The following PRC1 variants were observed in gnomAD, a reference collection of about 807,000 sequenced individuals.
PRC1 encodes the protein protein regulator of cytokinesis 1, also known as anaphase spindle elongation 1 homolog.
A neutral mutation model predicts 91.2 loss-of-function variants in PRC1; 54 were observed. The ratio of observed to expected loss-of-function variants is 0.59; its 90% CI spans 0.48 to 0.74. The LOEUF (loss-of-function observed/expected upper bound fraction) is 0.74, where lower values mean the gene tolerates loss of function less well. Ranked by LOEUF, PRC1 falls within the 30% of genes least tolerant of loss-of-function variation. PRC1 has a pLI of 0.00. For missense variants in PRC1, 727 were observed against 746.2 expected (o/e 0.97, Z 0.30); for synonymous variants, 275 against 263.6 (o/e 1.04, Z -0.42).
Position 90,981,037 on chromosome 15 carries a change from C to T in PRC1, c.673-4G>A, listed in dbSNP as rs368282015. The stretch of plus-strand genomic sequence containing the variant: ...TTTGTGATTTCTGCATTTCCAGCTA[C>T]AGCATAGAAAGCCAGTGTCACTCAC... On this transcript the variant is annotated splice_region_variant and splice_polypyrimidine_tract_variant and intron_variant, in intron 5 of 14. Coordinates refer to ENST00000394249, the MANE Select transcript of PRC1 (RefSeq NM_003981.4). The T allele has an allele frequency of 5.6e-6, 9 of 1,614,054 alleles. No homozygotes were observed. Among genetic ancestry groups the T allele is most frequent in the African/African-American group, 2.7e-5 (2 of 75,044 alleles).
intron 1 of PRC1, among the ~76,000 whole-genome samples, chr15:90,989,551 G>A (rs2039833624): frequency 6.6e-6 from 1 of 150,586 alleles, no homozygotes; most frequent in Non-Finnish European, 1.5e-5. Context: ...CGGCCCCTCA[G>A]TTTAACAGAG....
In PRC1 at chr15:90,974,777, G is replaced by A; in HGVS notation, c.1204-46C>T. 1 of 1,604,162 alleles carries A rather than the reference G, an allele frequency of 6.2e-7. No homozygotes were observed. The highest frequency in any genetic ancestry group is 8.5e-7 in the Non-Finnish European group (1 of 1,171,656). On this transcript the variant is annotated intron_variant, in intron 9 of 14. Coordinates refer to ENST00000394249, the MANE Select transcript of PRC1 (RefSeq NM_003981.4). The surrounding 1 kb of genome is among the most constrained non-coding windows in gnomAD (Gnocchi z 4.6). ...ATGTTAATTACTTCAACTCTTTAGT[G>A]CAAAGCCCAAATGAAATGATTTCCC...
In PRC1 at chr15:90,969,566, C is replaced by T. The variant is rs745311247; in HGVS notation, c.1630G>A (p.Ala544Thr). 5.6e-6 allele frequency: 9 copies of T among 1,613,702 alleles called. No homozygotes were observed. Among genetic ancestry groups the T allele is most frequent in the Admixed American group, 1.7e-5 (1 of 59,984 alleles). ...KKTPRTGRHG[A>T]NKENLELNGS... ...TTGAGCTCCAGGTTCTCCTTGTTGG[C>T]TCCATGCCTGCCAGTACGGGGTGTT... The change falls in exon 13 of 15, where the codon GCC becomes ACC. Residue 544 changes from alanine (A) to threonine (T), a missense_variant. Transcript: ENST00000394249.
intron 12 of PRC1, among the ~76,000 whole-genome samples, chr15:90,969,871 C>G (rs1030072342): frequency 1.1e-4 from 16 of 149,072 alleles, no homozygotes; most frequent in Admixed American, 6.7e-5. Flanking sequence ...TTGCTTGAGG[C>G]GACATGTTCG....
At position 90,980,875 on chromosome 15, in the gene PRC1, G is replaced by T. The variant is rs1472770079; in HGVS notation, c.822+9C>A. 2 of 1,614,080 alleles carry T rather than the reference G, an allele frequency of 1.2e-6. No homozygotes were observed. Among genetic ancestry groups the T allele is most frequent in the South Asian group, 1.1e-5 (1 of 91,090 alleles). ...AGACTGCTGACCCAGTACCCACTGG[G>T]TTTCTTACCGCTTTCCGGACCTTGG... is the stretch of plus-strand genomic sequence containing the variant. On this transcript the variant is annotated intron_variant, in intron 6 of 14. Coordinates refer to ENST00000394249, the MANE Select transcript of PRC1 (RefSeq NM_003981.4).
At chr15:90,993,906 G>T (rs12101302) in intron 1 of PRC1, among the ~76,000 whole-genome samples, 1 of 142,372 alleles carries the variant, frequency 7.0e-6, no homozygotes, top group African/African-American at 2.8e-5. Context: ...AACATAGACC[G>T]CGTTTCCACA....
chr15:90,987,812 G>A (rs1021840998), intron 1 of PRC1: 1 of 152,134 alleles, frequency 6.6e-6, no homozygotes, highest in African/African-American at 2.4e-5. Flanking sequence ...AGCTTTCGGT[G>A]GTTCTACAAG....
At chr15:90,981,070 C>G in intron 5 of PRC1, 37 bp from the exon 6 acceptor site, 2 of 1,611,830 alleles carry the variant, frequency 1.2e-6, no homozygotes, top group Non-Finnish European at 1.7e-6. Flanking sequence ...CACGGCAAAG[C>G]AGCAGCACAG....
intron 1 of PRC1, among the ~76,000 whole-genome samples, chr15:90,987,285 A>G (rs1369938895): frequency 2.0e-5 from 3 of 152,090 alleles, no homozygotes; most frequent in Non-Finnish European, 4.4e-5. Context: ...CAAAAAAAGC[A>G]AAAACAAAAC....
intron 12 of PRC1, among the ~76,000 whole-genome samples, 178 bp from the exon 13 acceptor site, chr15:90,969,801 T>TATATATG: frequency 7.2e-6 from 1 of 139,004 alleles, no homozygotes; most frequent in Non-Finnish European, 1.6e-5. Context: ...TATATATATA[T>TATATATG]GGGGCTGGGT....
Position 90,981,530 on chromosome 15 carries a change from T to C in PRC1, c.641A>G (p.Asn214Ser). ...TAGCAACTTTTGTAGTGTTGCAATATTCTCCAAAGACAAACAAAAGGCATC... is the reference window on the plus strand; with the variant it reads ...TAGCAACTTTTGTAGTGTTGCAATACTCTCCAAAGACAAACAAAAGGCATC... The part of the protein sequence containing the change: ...DEDAFCLSLE[N>S]IATLQKLLRQ... The change falls in exon 5 of 15, where the codon AAT (asparagine) becomes AGT (serine). Residue 214 changes from asparagine to serine, a missense_variant. By Grantham distance (46) the Asn-to-Ser change is conservative. Transcript: ENST00000394249. 1 of 1,614,004 alleles carries C rather than the reference T, an allele frequency of 6.2e-7. No homozygotes were observed. Among genetic ancestry groups the C allele is most frequent in the Non-Finnish European group, 8.5e-7 (1 of 1,180,028 alleles).
chr15:90,980,571 T>C (rs1214529889), intron 6 of PRC1, 182 bp from the exon 7 acceptor site: 6 of 745,096 alleles, frequency 8.1e-6, no homozygotes, highest in African/African-American at 1.9e-5. Context: ...CAGACAGGAG[T>C]GCAGTGGCGC....
chr15:90,980,774 G>A (rs140007270), intron 6 of PRC1, 110 bp downstream of exon 6: 203 of 1,453,700 alleles, frequency 1.4e-4, no homozygotes, highest in Non-Finnish European at 1.8e-4. Flanking sequence ...CCAAAGTGCT[G>A]GGATTAGAGG....
chr15:90,991,496 G>GT (rs2039980648), intron 1 of PRC1, among the ~76,000 whole-genome samples: 1 of 151,810 alleles, frequency 6.6e-6, no homozygotes, highest in African/African-American at 2.4e-5. Context: ...TGGGTGTTTG[G>GT]AATTACCAAA....
In PRC1 at chr15:90,974,832, C is replaced by A. The variant is rs2038530696; in HGVS notation, c.1204-101G>T. ...GAGTGACTCCTCCTCCCCAGAGCAT[C>A]ATTAGCCTCATTTCAGGTAGCTGGG... On this transcript the variant is annotated intron_variant, in intron 9 of 14. Transcript: ENST00000394249. This position sits in a 1 kb window ranked among gnomAD's most constrained non-coding sequence, Gnocchi z 4.6. 5.0e-6 allele frequency: 7 copies of A among 1,390,494 alleles called. No homozygotes were observed. The highest frequency in any genetic ancestry group is 1.8e-5 in the Admixed American group (1 of 57,038). 86.1% of individuals were successfully genotyped at this position (1,390,494 alleles called of 1,614,324 possible).
intron 1 of PRC1, among the ~76,000 whole-genome samples, chr15:90,992,851 A>G (rs183377136): frequency 1.3e-5 from 2 of 152,092 alleles, no homozygotes; most frequent in Non-Finnish European, 2.9e-5. Flanking sequence ...TGGTCCTTAA[A>G]TTATTTTCTA....
chr15:90,969,323 A>G, intron 13 of PRC1, 124 bp downstream of exon 13: 1 of 1,339,330 alleles, frequency 7.5e-7, no homozygotes, highest in Non-Finnish European at 1.0e-6. Flanking sequence ...CAAAGCAGGA[A>G]AGGGATTCTC....
At chr15:90,968,723 T>G in intron 14 of PRC1, 1 of 1,121,498 alleles carries the variant, frequency 8.9e-7, no homozygotes, top group Non-Finnish European at 1.1e-6. Flanking sequence ...AGCCTCATTG[T>G]AGGCAGCACA....
chr15:90,982,190 C>G, intron 3 of PRC1: 1 of 585,306 alleles, frequency 1.7e-6, no homozygotes, highest in South Asian at 2.1e-5. Flanking sequence ...CTTTTCCCCC[C>G]AATTTTAAAA....
Sources: gnomAD v4.1 joint callset for allele counts (sites outside exome capture counted in the v4.1 genomes callset) on GRCh38, gnomAD v4.1.1 for gene constraint, Gnocchi (gnomAD v3.1) non-coding constraint, MANE v1.5 for transcripts, NCBI Gene and HGNC (gene_info 2026-07-23, HGNC 2026-07-21) for gene names.